SPATA16: variants seen among roughly 807,000 people sequenced by gnomAD.
SPATA16 encodes spermatogenesis-associated protein 16.
SPATA16 carries 36 observed loss-of-function variants against 63.3 expected under a neutral mutation model. The observed-to-expected ratio is 0.57, with a 90% CI of 0.44 to 0.75. SPATA16 has a LOEUF of 0.75. Among genes scored for constraint, SPATA16 ranks in the 30% least tolerant of loss-of-function variants. The probability of loss-of-function intolerance (pLI) is 0.00; values close to 1 mark genes in which losing one functional copy is unlikely to be tolerated. For synonymous variants in SPATA16, 203 were observed against 216.7 expected, an observed-to-expected ratio of 0.94 and a Z score of 0.56; for missense variants, 646 against 679.3, an observed-to-expected ratio of 0.95 and a Z score of 0.54.
At position 172,939,947 on chromosome 3, in the gene SPATA16, A is replaced by G. The variant is rs560288887; in HGVS notation, c.1082-14455T>C. 1.1e-4 allele frequency among the ~76,000 whole-genome samples: 17 copies of G among 152,314 alleles called. No homozygotes were observed. In the South Asian group the frequency reaches 3.1e-3, roughly 28 times the overall value. On this transcript the variant is annotated intron_variant, in intron 6 of 10. Coordinates refer to ENST00000351008, the MANE Select transcript of SPATA16 (RefSeq NM_031955.6). Reference sequence around the variant, plus strand: ...ATGCTGGAGACTGAGTTAATCACCAATGACCAATAATTTAAACAAGGATGC... The same window carrying G: ...ATGCTGGAGACTGAGTTAATCACCAGTGACCAATAATTTAAACAAGGATGC...
intron 10 of SPATA16, among the ~76,000 whole-genome samples, 159 bp from the exon 11 acceptor site, chr3:172,889,851 T>G (rs1731858238): frequency 6.6e-6 from 1 of 152,238 alleles, no homozygotes; most frequent in African/African-American, 2.4e-5. Context: ...AGCCTTCTTC[T>G]GTTTCCATTA....
intron 5 of SPATA16, among the ~76,000 whole-genome samples, chr3:172,965,519 T>C (rs745889663): frequency 1.3e-5 from 2 of 152,194 alleles, no homozygotes; most frequent in Non-Finnish European, 2.9e-5. Context: ...ATGACTGTGC[T>C]GTGGAAATAT....
intron 9 of SPATA16, among the ~76,000 whole-genome samples, chr3:172,915,097 A>G (rs1732450552): frequency 6.6e-6 from 1 of 152,120 alleles, no homozygotes; most frequent in Non-Finnish European, 1.5e-5. Flanking sequence ...CATACTTACT[A>G]TACTTCTGAG....
intron 4 of SPATA16, among the ~76,000 whole-genome samples, chr3:172,988,820 T>A (rs894931168): frequency 6.6e-6 from 1 of 152,108 alleles, no homozygotes. Flanking sequence ...GTATTTTTAG[T>A]AGAGACGGGG....
chr3:173,062,982 C>A (rs1038504176), intron 2 of SPATA16, among the ~76,000 whole-genome samples: 2 of 152,210 alleles, frequency 1.3e-5, no homozygotes, highest in Non-Finnish European at 2.9e-5. Flanking sequence ...GCTGGCCCCC[C>A]ACTCACCTCC....
chr3:173,048,100 A>G (rs1735998169), intron 3 of SPATA16, among the ~76,000 whole-genome samples: 1 of 152,138 alleles, frequency 6.6e-6, no homozygotes, highest in African/African-American at 2.4e-5. Flanking sequence ...AGAAAGCAGG[A>G]ATTATATGTT....
intron 4 of SPATA16, among the ~76,000 whole-genome samples, chr3:173,002,584 T>C (rs1404328265): frequency 1.3e-5 from 2 of 152,174 alleles, no homozygotes; most frequent in Non-Finnish European, 2.9e-5. Flanking sequence ...TCTTTTACAA[T>C]GTATATGAAA....
chr3:173,009,824 G>C (rs188523949), intron 4 of SPATA16, among the ~76,000 whole-genome samples: 2 of 152,372 alleles, frequency 1.3e-5, no homozygotes, highest in East Asian at 1.9e-4. Context: ...TATTGTAAAC[G>C]AAAGTGCACT....
intron 5 of SPATA16, among the ~76,000 whole-genome samples, chr3:172,961,073 CCTT>C: frequency 1.1e-5 from 1 of 87,396 alleles, no homozygotes; most frequent in East Asian, 3.5e-4. Flanking sequence ...CTTCTTTCTT[CCTT>C]CCTTCCTTCC....
intron 2 of SPATA16, among the ~76,000 whole-genome samples, chr3:173,078,219 C>T (rs777324286): frequency 3.3e-5 from 5 of 152,058 alleles, no homozygotes; most frequent in Non-Finnish European, 5.9e-5. Flanking sequence ...TGGATTTAAA[C>T]TCACATAGCT....
chr3:172,891,155 A>G (rs1053819385), intron 10 of SPATA16, among the ~76,000 whole-genome samples: 5 of 152,124 alleles, frequency 3.3e-5, no homozygotes, highest in African/African-American at 1.2e-4. Flanking sequence ...TTGACAATGT[A>G]TCATTTAAAT....
At chr3:173,025,925 G>A (rs1179879140) in intron 3 of SPATA16, among the ~76,000 whole-genome samples, 1 of 151,842 alleles carries the variant, frequency 6.6e-6, no homozygotes, top group Non-Finnish European at 1.5e-5. Flanking sequence ...CATTTCTTAT[G>A]GTAAAATACA....
intron 2 of SPATA16, among the ~76,000 whole-genome samples, chr3:173,076,125 C>T (rs943497877): frequency 6.6e-6 from 1 of 151,972 alleles, no homozygotes; most frequent in African/African-American, 2.4e-5. Flanking sequence ...TATCACAAGA[C>T]AATATATTAT....
intron 4 of SPATA16, among the ~76,000 whole-genome samples, chr3:173,005,420 CCT>C: frequency 6.6e-6 from 1 of 151,300 alleles, no homozygotes; most frequent in Non-Finnish European, 1.5e-5. Context: ...CATTTTGGGG[CCT>C]CTCTGTGTTC....
chr3:172,907,674 C>G (rs1390197786), intron 10 of SPATA16, among the ~76,000 whole-genome samples: 1 of 151,914 alleles, frequency 6.6e-6, no homozygotes, highest in Non-Finnish European at 1.5e-5. Context: ...CTCCTGGGTT[C>G]AAGCGATTCT....
chr3:173,139,791 G>A (rs1448051322), intron 1 of SPATA16, among the ~76,000 whole-genome samples: 1 of 152,172 alleles, frequency 6.6e-6, no homozygotes, highest in African/African-American at 2.4e-5. Flanking sequence ...TTTGAGACCA[G>A]CCTGGCCAAC....
chr3:173,000,583 C>T (rs1734795158), intron 4 of SPATA16, among the ~76,000 whole-genome samples: 1 of 152,110 alleles, frequency 6.6e-6, no homozygotes, highest in Admixed American at 6.6e-5. Flanking sequence ...GTGTCTGACA[C>T]TAATTTAAGG....
At chr3:173,040,776 A>C (rs1735820740) in intron 3 of SPATA16, among the ~76,000 whole-genome samples, 2 of 152,306 alleles carry the variant, frequency 1.3e-5, no homozygotes, top group Non-Finnish European at 1.5e-5. Context: ...TGGTAATAAG[A>C]AAACCTTCTC....
chr3:172,963,393 A>G lies in SPATA16; in HGVS notation c.934-6569T>C, dbSNP rs551407984. On this transcript the variant is annotated intron_variant, in intron 5 of 10. Coordinates refer to ENST00000351008, the MANE Select transcript of SPATA16 (RefSeq NM_031955.6). ...TGTAGCAAGGGAAATGGACTTTTATATAGCTTTTTTGAATTCTGTACTTTG... is the reference window on the plus strand; with the variant it reads ...TGTAGCAAGGGAAATGGACTTTTATGTAGCTTTTTTGAATTCTGTACTTTG... Among the ~76,000 whole-genome samples, 22 of 152,056 alleles carry G rather than the reference A, an allele frequency of 1.4e-4. 1 individual carries two copies. Among genetic ancestry groups the G allele is most frequent in the Non-Finnish European group, 2.6e-4 (18 of 67,954 alleles).
Sources: gnomAD v4.1 joint callset for allele counts (sites outside exome capture counted in the v4.1 genomes callset) on GRCh38, gnomAD v4.1.1 for gene constraint, MANE v1.5 for transcripts, NCBI Gene and HGNC (gene_info 2026-07-23, HGNC 2026-07-21) for gene names.